The following CENPQ variants were observed in gnomAD, a reference collection of about 807,000 sequenced individuals.
The protein encoded by CENPQ is centromere protein Q.
In CENPQ, 27 loss-of-function variants were observed where a neutral mutation model predicts 36.6. That is an observed-to-expected ratio of 0.74 (90% CI 0.54 to 1.02). The LOEUF (loss-of-function observed/expected upper bound fraction) is 1.02. Ranked by LOEUF, CENPQ falls within the 50% of genes least tolerant of loss-of-function variation. The pLI, the probability that CENPQ is intolerant of heterozygous loss-of-function variation, is 0.00. For synonymous variants in CENPQ, 101 were observed against 101.7 expected (o/e 0.99, Z 0.04); for missense variants, 306 against 301.8 (o/e 1.01, Z -0.10).
At chr6:49,477,455 A>G (rs1198639178) in intron 5 of CENPQ, among the ~76,000 whole-genome samples, 1 of 151,086 alleles carries the variant, frequency 6.6e-6, no homozygotes, top group Admixed American at 6.6e-5. Flanking sequence ...GAATTAGGAG[A>G]TATACCTAAT....
intron 5 of CENPQ, among the ~76,000 whole-genome samples, chr6:49,478,430 A>G (rs1768353661): frequency 6.6e-6 from 1 of 152,128 alleles, no homozygotes. Flanking sequence ...AGCATCTCCC[A>G]AATTGATATT....
rs1308836493 is a variant in CENPQ, at chr6:49,472,123, G to A, written c.218G>A (p.Trp73Ter). The stretch of plus-strand genomic sequence containing the variant: ...ACAGCAGCCAGCAAGAGAAAAACCT[G>A]GCAACCTCTGTCAAAGAGTACCAGA... Reference protein sequence around the residue: ...GKTAASKRKTWQPLSKSTRDH... With the variant: ...GKTAASKRKT The change falls in exon 4 of 9, where the codon TGG becomes TAG. Residue 73 changes from tryptophan to a stop codon, truncating the protein, a stop_gained. Coordinates refer to ENST00000335783, the MANE Select transcript of CENPQ (RefSeq NM_018132.4). LOFTEE classifies it high-confidence loss of function. The A allele has an allele frequency of 6.2e-7, 1 of 1,612,412 alleles. No individual in the cohort carries two copies. Among genetic ancestry groups the A allele is most frequent in the African/African-American group, 1.3e-5 (1 of 74,806 alleles).
intron 1 of CENPQ, among the ~76,000 whole-genome samples, chr6:49,463,870 C>T (rs1200016523): frequency 1.3e-5 from 2 of 152,102 alleles, no homozygotes; most frequent in Non-Finnish European, 2.9e-5. Flanking sequence ...ACAAGACAAC[C>T]TAGAATGCCT....
intron 6 of CENPQ, among the ~76,000 whole-genome samples, chr6:49,482,713 G>T (rs1017418833): frequency 1.3e-5 from 2 of 152,150 alleles, no homozygotes; most frequent in African/African-American, 4.8e-5. Flanking sequence ...GGCGATAGGC[G>T]AAGGTCCCTT....
intron 1 of CENPQ, among the ~76,000 whole-genome samples, chr6:49,464,029 G>C (rs1767933384): frequency 6.6e-6 from 1 of 151,866 alleles, no homozygotes; most frequent in Non-Finnish European, 1.5e-5. Flanking sequence ...CTTTCCTGCC[G>C]TCCGAGTTTT....
chr6:49,486,645 A>G (rs1440275325), intron 6 of CENPQ, among the ~76,000 whole-genome samples: 4 of 152,232 alleles, frequency 2.6e-5, no homozygotes, highest in Non-Finnish European at 4.4e-5. Context: ...ATTTATGAGA[A>G]AATTGAAAAT....
At chr6:49,481,226 G>A in intron 6 of CENPQ, 146 bp downstream of exon 6, 1 of 717,546 alleles carries the variant, frequency 1.4e-6, no homozygotes, top group Non-Finnish European at 2.1e-6. Flanking sequence ...TTTTGTTGTT[G>A]TTTTCATTAA....
At chr6:49,465,725 G>A (rs1767985478) in intron 1 of CENPQ, among the ~76,000 whole-genome samples, 2 of 152,180 alleles carry the variant, frequency 1.3e-5, no homozygotes, top group Non-Finnish European at 2.9e-5. Context: ...AGCTTTCATA[G>A]AATTGAAGTG....
chr6:49,466,238 C>T (rs1164687405), intron 1 of CENPQ, among the ~76,000 whole-genome samples: 1 of 152,134 alleles, frequency 6.6e-6, no homozygotes, highest in Non-Finnish European at 1.5e-5. Flanking sequence ...AAAACAATTA[C>T]AGAGTAACAT....
At chr6:49,464,299 T>C (rs1054911021) in intron 1 of CENPQ, among the ~76,000 whole-genome samples, 7 of 152,182 alleles carry the variant, frequency 4.6e-5, no homozygotes, top group African/African-American at 1.7e-4. Flanking sequence ...AATTTTAAAA[T>C]ATTTTATTGC....
chr6:49,468,906 T>A (rs1450611833), intron 1 of CENPQ, among the ~76,000 whole-genome samples: 5 of 152,198 alleles, frequency 3.3e-5, no homozygotes, highest in African/African-American at 9.6e-5. Context: ...TGAAATTCTG[T>A]CATGTGGATG....
At chr6:49,477,238 C>T (rs9349492) in intron 5 of CENPQ, among the ~76,000 whole-genome samples, 16,211 of 152,006 alleles carry the variant, frequency 0.11, 1,117 homozygotes, top group South Asian at 0.19. Context: ...TACTATGCAG[C>T]CATAAGAAAG....
rs746597675 is a variant in CENPQ at position 49,488,695 on chromosome 6, A to G, written c.675+11A>G. ...GCACCCACACTTCAGGTAAGTGCCT[A>G]TTTACCATATTGATTACAGGCATAC... On this transcript the variant is annotated intron_variant, in intron 8 of 8. Coordinates refer to ENST00000335783, the MANE Select transcript of CENPQ (RefSeq NM_018132.4). The G allele has an allele frequency of 6.2e-7, 1 of 1,601,394 alleles. No individual in the cohort carries two copies. The highest frequency in any genetic ancestry group is 1.3e-5 in the African/African-American group (1 of 74,620).
chr6:49,473,922 A>G (rs905663636), intron 5 of CENPQ, among the ~76,000 whole-genome samples: 2 of 152,174 alleles, frequency 1.3e-5, no homozygotes, highest in Non-Finnish European at 2.9e-5. Context: ...GAGACAAAGA[A>G]GACCGTTAAT....
At chr6:49,476,306 A>G (rs1768289714) in intron 5 of CENPQ, among the ~76,000 whole-genome samples, 2 of 152,202 alleles carry the variant, frequency 1.3e-5, no homozygotes, top group South Asian at 2.1e-4. Flanking sequence ...CAAACCTGAC[A>G]AAAACAAGCA....
intron 6 of CENPQ, among the ~76,000 whole-genome samples, chr6:49,482,083 G>A (rs1768446760): frequency 6.6e-6 from 1 of 152,150 alleles, no homozygotes; most frequent in Admixed American, 6.5e-5. Context: ...GCCCTTCATT[G>A]CCTGGGGCTG....
At position 49,492,173 on chromosome 6, in the gene CENPQ, GA is replaced by G. The variant is rs1768736196; in HGVS notation, c.707del (p.Asn236MetfsTer4). On this transcript the variant is annotated frameshift_variant, in exon 9 of 9. Coordinates refer to ENST00000335783, the MANE Select transcript of CENPQ (RefSeq NM_018132.4). LOFTEE classifies it high-confidence loss of function. ...KEILALIPNQ[N>X]ALLKDLDILH... Reference sequence around the variant, plus strand: ...AAATTTTGGCGCTAATTCCAAACCAGAATGCTCTTCTAAAGGACTTGGATAT... The same window carrying G: ...AAATTTTGGCGCTAATTCCAAACCAGATGCTCTTCTAAAGGACTTGGATAT... 6.2e-7 allele frequency: 1 copy of G among 1,604,150 alleles called. No homozygotes were observed. Among genetic ancestry groups the G allele is most frequent in the African/African-American group, 1.3e-5 (1 of 74,384 alleles).
chr6:49,475,375 C>G (rs187206088), intron 5 of CENPQ, among the ~76,000 whole-genome samples: 14 of 152,220 alleles, frequency 9.2e-5, no homozygotes, highest in East Asian at 1.9e-4. Flanking sequence ...ATTCAACAAC[C>G]CTTCATGCTA....
At chr6:49,473,463 C>G (rs1768193638) in intron 5 of CENPQ, among the ~76,000 whole-genome samples, 1 of 152,062 alleles carries the variant, frequency 6.6e-6, no homozygotes, top group Non-Finnish European at 1.5e-5. Context: ...TACAGACAAG[C>G]AAATGCTGAG....
Sources: gnomAD v4.1 joint callset for allele counts (sites outside exome capture counted in the v4.1 genomes callset) on GRCh38, gnomAD v4.1.1 for gene constraint, MANE v1.5 for transcripts, NCBI Gene and HGNC (gene_info 2026-07-23, HGNC 2026-07-21) for gene names.